Variants in PARVG observed in about 807,000 individuals in gnomAD.
PARVG encodes parvin gamma.
In PARVG, 36 loss-of-function variants were observed where a neutral mutation model predicts 44.4. The ratio of observed to expected loss-of-function variants is 0.81; its 90% CI spans 0.62 to 1.07. The LOEUF (loss-of-function observed/expected upper bound fraction) is 1.07, where lower values mean the gene tolerates loss of function less well. Ranked by LOEUF, PARVG falls within the 50% of genes least tolerant of loss-of-function variation. The probability of loss-of-function intolerance (pLI) is 0.00; values close to 1 mark genes in which losing one functional copy is unlikely to be tolerated. For missense variants in PARVG, 407 were observed against 407.4 expected, an observed-to-expected ratio of 1.00 and a Z score of 0.01; for synonymous variants, 170 against 174.1, an observed-to-expected ratio of 0.98 and a Z score of 0.19.
At chr22:44,178,451 CAG>C (rs1399659141), upstream of PARVG, among the ~76,000 whole-genome samples, 1 of 152,222 alleles carries the variant, frequency 6.6e-6, no homozygotes, top group Non-Finnish European at 1.5e-5. Context: ...TTATTAAAAA[CAG>C]ACATCAAAAG....
intron 6 of PARVG, 72 bp from the exon 7 acceptor site, chr22:44,190,479 T>TGAGGAAGCCTCC (rs1601735874): frequency 2.6e-6 from 3 of 1,135,058 alleles, no homozygotes; most frequent in Non-Finnish European, 4.0e-6. Flanking sequence ...GTTCTGACAG[T>TGAGGAAGCCTCC]GAGGAAGCCT....
intron 1 of PARVG, among the ~76,000 whole-genome samples, chr22:44,173,400 T>TGCCCTCCGTGCTGGCCC (rs1184509456): frequency 3.3e-5 from 5 of 152,252 alleles, no homozygotes; most frequent in African/African-American, 1.2e-4. Flanking sequence ...GATGGTGGCC[T>TGCCCTCCGTGCTGGCCC]GCCCTCCGTG....
In PARVG at chr22:44,181,962, AC is replaced by A. The variant is rs200354844; in HGVS notation, c.-13+46del. On this transcript the variant is annotated intron_variant, in intron 2 of 13. Transcript: ENST00000444313. ...CCACCATACTTGAGTGTTGGGGGTC[AC>A]GGAGGGAGGGGCCCAGACACCACCT... The A allele has an allele frequency of 5.1e-3, 5,028 of 985,370 alleles. 17 individuals are homozygous for A. Among genetic ancestry groups the A allele is most frequent in the Non-Finnish European group, 5.6e-3 (4,662 of 829,854 alleles). The allele number at this position is 985,370 out of a possible 1,614,324, so 61.0% of individuals were successfully genotyped here.
chr22:44,183,343 T>A lies in PARVG; in HGVS notation c.14T>A (p.Phe5Tyr). Residue 5 changes from phenylalanine (F) to tyrosine (Y), a missense_variant, in exon 3 of 14, where the codon TTC (phenylalanine) becomes TAC (tyrosine). Physicochemically the swap from Phe to Tyr is conservative, Grantham distance 22 (BLOSUM62 3). Transcript: ENST00000444313. MEPE[F>Y]LYDLLQLPKG... is the part of the protein sequence containing the mutation. ...GCTTGGGAGGCGATGGAGCCGGAGT[T>A]CTTGTACGACCTGCTGCAGCTCCCC... The A allele has an allele frequency of 6.2e-7, 1 of 1,610,156 alleles. No individual in the cohort carries two copies. Among genetic ancestry groups the A allele is most frequent in the Non-Finnish European group, 8.5e-7 (1 of 1,178,892 alleles).
chr22:44,190,802 TC>T, intron 7 of PARVG, 136 bp downstream of exon 7: 1 of 746,038 alleles, frequency 1.3e-6, no homozygotes, highest in Non-Finnish European at 2.2e-6. Flanking sequence ...AGAAATAGAA[TC>T]CAGCCAGGAT....
intron 1 of PARVG, 140 bp downstream of exon 1, chr22:44,181,325 C>A: frequency 1.0e-6 from 1 of 985,362 alleles, no homozygotes; most frequent in Non-Finnish European, 1.2e-6. Context: ...AGCCTCAGCT[C>A]AGGGGCGGGC....
chr22:44,200,255 AG>A (rs745403723), intron 12 of PARVG, among the ~76,000 whole-genome samples: 5 of 152,210 alleles, frequency 3.3e-5, no homozygotes, highest in Non-Finnish European at 5.9e-5. Context: ...AAATAAGGAA[AG>A]AGAGGTCCAC....
intron 12 of PARVG, among the ~76,000 whole-genome samples, chr22:44,203,075 T>C (rs1366996242): frequency 6.6e-6 from 1 of 152,188 alleles, no homozygotes; most frequent in African/African-American, 2.4e-5. Flanking sequence ...GGGTCAGCTC[T>C]TACTGGGGGA....
rs1389980946 is a variant in PARVG at position 44,187,842 on chromosome 22, G to A, written c.211G>A (p.Asp71Asn). ...EHIVVRSLEE[D>N]MFDGLILHHL... ...CATTGTGGTCCGCAGCCTGGAGGAG[G>A]ACATGTTCGACGGGCTCATCCTACA... Residue 71 changes from aspartate (D) to asparagine (N), a missense_variant, in exon 5 of 14, where the codon GAC becomes AAC. By Grantham distance (23) the Asp-to-Asn change is conservative. Transcript: ENST00000444313. 4.3e-6 allele frequency: 7 copies of A among 1,614,128 alleles called. No homozygotes were observed. Among genetic ancestry groups the A allele is most frequent in the Non-Finnish European group, 5.9e-6 (7 of 1,180,044 alleles).
intron 7 of PARVG, among the ~76,000 whole-genome samples, chr22:44,191,388 A>ATTTTTTTTTTTT (rs35954868): frequency 1.6e-5 from 1 of 63,468 alleles, no homozygotes; most frequent in Non-Finnish European, 2.8e-5. Flanking sequence ...AGTCATTTCT[A>ATTTTTTTTTTTT]TTTTTTTTTT....
chr22:44,203,650 C>T (rs1194274492), intron 12 of PARVG, among the ~76,000 whole-genome samples: 1 of 152,186 alleles, frequency 6.6e-6, no homozygotes, highest in African/African-American at 2.4e-5. Context: ...AAATAATATT[C>T]GTGATGAGAA....
chr22:44,182,352 C>T lies in PARVG; in HGVS notation c.-13+435C>T, dbSNP rs2054395168. On this transcript the variant is annotated intron_variant, in intron 2 of 13. Transcript: ENST00000444313. This position sits in a 1 kb window ranked among gnomAD's most constrained non-coding sequence, Gnocchi z 4.6. ...GCCTGGGACCCAGGCTTCCTGACGC[C>T]CAGGCCAGGCTCTTTCGTTTTCTCT... 6.6e-6 allele frequency among the ~76,000 whole-genome samples: 1 copy of T among 152,182 alleles called. No individual in the cohort carries two copies. Among genetic ancestry groups the T allele is most frequent in the African/African-American group, 2.4e-5 (1 of 41,454 alleles).
intron 4 of PARVG, 84 bp downstream of exon 4, chr22:44,185,956 C>A: frequency 7.3e-7 from 1 of 1,363,738 alleles, no homozygotes; most frequent in Non-Finnish European, 1.0e-6. Flanking sequence ...GGACAGCAGG[C>A]TGTCCCCACT....
chr22:44,175,231 C>T (rs909161710), intron 1 of PARVG, among the ~76,000 whole-genome samples: 2 of 152,240 alleles, frequency 1.3e-5, no homozygotes, highest in Admixed American at 6.5e-5. Context: ...CCCAGGGGGC[C>T]GTGGTGGGGA....
In PARVG at chr22:44,207,792, A is replaced by G. The variant is rs2054800348; in HGVS notation, c.*1366A>G. On this transcript the variant is annotated 3_prime_UTR_variant, in exon 14 of 14. Transcript: ENST00000444313. ...GGGTCTTCCCTTCACCTAGCCTCCCATCTGCCTGCCCTTCTCAGCTCCCAA... is the reference window on the plus strand; with the variant it reads ...GGGTCTTCCCTTCACCTAGCCTCCCGTCTGCCTGCCCTTCTCAGCTCCCAA... The G allele has an allele frequency of 6.6e-6, 1 of 152,260 alleles. No individual in the cohort carries two copies. Among genetic ancestry groups the G allele is most frequent in the Non-Finnish European group, 1.5e-5 (1 of 68,148 alleles). The allele number at this position is 152,260 out of a possible 1,614,324, so 9.4% of individuals were successfully genotyped here. A position where few individuals can be genotyped will look rare whatever the true frequency, so the allele number is the denominator to read the frequency against.
intron 1 of PARVG, among the ~76,000 whole-genome samples, chr22:44,173,881 C>A (rs922913502): frequency 1.3e-5 from 2 of 152,164 alleles, no homozygotes; most frequent in Non-Finnish European, 1.5e-5. Flanking sequence ...AATCACCGGG[C>A]CCCCCTGTGC....
At chr22:44,186,368 G>A in intron 4 of PARVG, 1 of 350,524 alleles carries the variant, frequency 2.9e-6, no homozygotes, top group South Asian at 2.1e-5. Flanking sequence ...TGCTGCTATG[G>A]CCACTGGACC....
chr22:44,193,092 C>T (rs541229659), intron 8 of PARVG, among the ~76,000 whole-genome samples: 3 of 152,330 alleles, frequency 2.0e-5, no homozygotes, highest in African/African-American at 7.2e-5. Flanking sequence ...AGGTCTCTGT[C>T]ACAGGCTGCT....
At position 44,189,160 on chromosome 22, in the gene PARVG, A is replaced by G; in HGVS notation, c.294A>G (p.Thr98=). The G allele has an allele frequency of 6.2e-7, 1 of 1,614,180 alleles. No individual in the cohort carries two copies. The highest frequency in any genetic ancestry group is 8.5e-7 in the Non-Finnish European group (1 of 1,180,036). Residue 98 remains threonine, a synonymous_variant, in exon 6 of 14, where the codon ACA becomes ACG. Transcript: ENST00000444313. ...TGGAAGCAGAGGACATCGCCCTGACAGCCACAAGCCAGAAGCACAAGCTCA... is the reference window on the plus strand; with the variant it reads ...TGGAAGCAGAGGACATCGCCCTGACGGCCACAAGCCAGAAGCACAAGCTCA... ...LKLEAEDIAL[T]ATSQKHKLTV...
Sources: gnomAD v4.1 joint callset for allele counts (sites outside exome capture counted in the v4.1 genomes callset) on GRCh38, gnomAD v4.1.1 for gene constraint, Gnocchi (gnomAD v3.1) non-coding constraint, MANE v1.5 for transcripts, NCBI Gene and HGNC (gene_info 2026-07-23, HGNC 2026-07-21) for gene names.